Variants in PPHLN1 observed in about 807,000 individuals in gnomAD.
The protein encoded by PPHLN1 is periphilin 1.
PPHLN1 carries 29 observed loss-of-function variants against 51.3 expected under a neutral mutation model. The ratio of observed to expected loss-of-function variants is 0.57; its 90% CI spans 0.42 to 0.77. The LOEUF (loss-of-function observed/expected upper bound fraction) is 0.77. Ranked by LOEUF, PPHLN1 falls within the 30% of genes least tolerant of loss-of-function variation. The pLI, the probability that PPHLN1 is intolerant of heterozygous loss-of-function variation, is 0.00. For synonymous variants in PPHLN1, 147 were observed against 147.8 expected, an observed-to-expected ratio of 0.99 and a Z score of 0.04; for missense variants, 436 against 438.4, an observed-to-expected ratio of 0.99 and a Z score of 0.05.
At chr12:42,329,312 A>G (rs990658121) in intron 1 of PPHLN1, among the ~76,000 whole-genome samples, 2 of 151,776 alleles carry the variant, frequency 1.3e-5, no homozygotes, top group Admixed American at 6.6e-5. Context: ...TCACCGTGTT[A>G]GCCAGTATGG....
At chr12:42,327,150 T>C (rs1410618298) in intron 1 of PPHLN1, among the ~76,000 whole-genome samples, 1 of 152,254 alleles carries the variant, frequency 6.6e-6, no homozygotes, top group Non-Finnish European at 1.5e-5. Context: ...TTCTGTGCTA[T>C]AGTCTCATTT....
Position 42,416,209 on chromosome 12 carries a change from C to T in PPHLN1, c.909+17215C>T, listed in dbSNP as rs531043181. Among the ~76,000 whole-genome samples the T allele has an allele frequency of 1.2e-4, 18 of 152,318 alleles. 1 individual carries two copies. The highest frequency in any genetic ancestry group is 4.1e-4 in the African/African-American group (17 of 41,568). ...TCTCGCCTCCTGTACCCTTCATTCT[C>T]CCATTCTACTTCCCAGTCACAGCAT... On this transcript the variant is annotated intron_variant, in intron 9 of 9. Coordinates refer to ENST00000358314, the MANE Select transcript of PPHLN1 (RefSeq NM_201439.2).
chr12:42,448,358 AT>A (rs34304769), downstream of PPHLN1: 48,620 of 131,406 alleles, frequency 0.37, 6,989 homozygotes, highest in East Asian at 0.47. Context: ...AATCTATTTG[AT>A]TTTTTTTTTT....
chr12:42,417,910 A>G (rs1428463768), intron 9 of PPHLN1, among the ~76,000 whole-genome samples: 4 of 149,358 alleles, frequency 2.7e-5, no homozygotes, highest in African/African-American at 7.3e-5. Context: ...AAAGAAAAAA[A>G]AAAGCCCTAG....
chr12:42,374,847 T>TG lies in PPHLN1; in HGVS notation c.300-16_300-15insG, dbSNP rs1324679737. The TG allele has an allele frequency of 6.4e-7, 1 of 1,559,410 alleles. No homozygotes were observed. The highest frequency in any genetic ancestry group is 1.2e-5 in the South Asian group (1 of 84,392). On this transcript the variant is annotated splice_polypyrimidine_tract_variant and intron_variant, in intron 4 of 9. Coordinates refer to ENST00000358314, the MANE Select transcript of PPHLN1 (RefSeq NM_201439.2). ...GAGTATAATTAACTTATTTTATGTT[T>TG]TTTTTTTTTTCAAAGGGACATGAGA... is the stretch of plus-strand genomic sequence containing the variant.
intron 9 of PPHLN1, among the ~76,000 whole-genome samples, chr12:42,418,941 A>C (rs913736818): frequency 6.6e-5 from 10 of 152,186 alleles, no homozygotes; most frequent in Non-Finnish European, 1.3e-4. Context: ...GCTTTATTAC[A>C]TTCTCTCATT....
chr12:42,375,666 ATTTTAT>A (rs1169283099), intron 5 of PPHLN1, among the ~76,000 whole-genome samples: 2 of 151,814 alleles, frequency 1.3e-5, no homozygotes, highest in Admixed American at 1.3e-4. Context: ...CCCCAATTTT[ATTTTAT>A]TTTTATTTTT....
At chr12:42,434,973 G>C (rs569336365) in intron 9 of PPHLN1, among the ~76,000 whole-genome samples, 1 of 152,234 alleles carries the variant, frequency 6.6e-6, no homozygotes, top group Non-Finnish European at 1.5e-5. Flanking sequence ...GATTACAGGC[G>C]TGAGCCACCG....
chr12:42,331,073 ATC>A (rs1198152469), intron 1 of PPHLN1, among the ~76,000 whole-genome samples: 1 of 152,332 alleles, frequency 6.6e-6, no homozygotes. Context: ...TAACAGTCCG[ATC>A]TCTCTTTCTT....
Position 42,384,944 on chromosome 12 carries a change from C to T in PPHLN1, c.516C>T (p.Ser172=), listed in dbSNP as rs147227639. ...TCCCTGCCCACCTTTCCATAGAGTC[C>T]GTGCGTCCTGGTGCCTCCTACAAAC... ...YSFHQSQHRK[S]VRPGASYKRQ... Residue 172 remains serine (S), a synonymous_variant, in exon 6 of 10, where the codon TCC becomes TCT. Coordinates refer to ENST00000358314, the MANE Select transcript of PPHLN1 (RefSeq NM_201439.2). The T allele has an allele frequency of 6.1e-4, 981 of 1,609,318 alleles. 1 individual carries two copies. The highest frequency in any genetic ancestry group is 7.9e-4 in the Non-Finnish European group (934 of 1,175,724).
intron 9 of PPHLN1, among the ~76,000 whole-genome samples, chr12:42,419,396 C>CTG (rs2080776821): frequency 2.7e-4 from 2 of 7,382 alleles, no homozygotes; most frequent in African/African-American, 2.9e-4. Flanking sequence ...CACCCACCAC[C>CTG]ACACCTTTTA....
At chr12:42,364,100 T>C (rs1043611069) in intron 4 of PPHLN1, among the ~76,000 whole-genome samples, 12 of 152,104 alleles carry the variant, frequency 7.9e-5, no homozygotes, top group Admixed American at 6.5e-4. Context: ...GGCACGTGCC[T>C]GTAGTCCCAG....
chr12:42,353,504 G>A (rs966165684), intron 3 of PPHLN1, among the ~76,000 whole-genome samples: 2 of 152,186 alleles, frequency 1.3e-5, no homozygotes, highest in Non-Finnish European at 2.9e-5. Context: ...AAGTTGTAAT[G>A]AGACTATTCA....
intron 4 of PPHLN1, among the ~76,000 whole-genome samples, chr12:42,374,126 A>G (rs971696912): frequency 2.6e-5 from 4 of 152,178 alleles, no homozygotes; most frequent in African/African-American, 9.7e-5. Flanking sequence ...AGTAGTTTCT[A>G]TACTTAGAAG....
chr12:42,414,190 A>G (rs1669905), intron 9 of PPHLN1, among the ~76,000 whole-genome samples: 45,856 of 151,818 alleles, frequency 0.3, 7,867 homozygotes, highest in Non-Finnish European at 0.38. Context: ...ACCTGCCACC[A>G]TGCCCGGCTT....
intron 4 of PPHLN1, among the ~76,000 whole-genome samples, chr12:42,368,240 G>A (rs1348477745): frequency 6.6e-6 from 1 of 151,940 alleles, no homozygotes; most frequent in Non-Finnish European, 1.5e-5. Flanking sequence ...TTGGGTGGGT[G>A]GGGGATCTTT....
chr12:42,438,343 A>T (rs1310480593), intron 9 of PPHLN1, among the ~76,000 whole-genome samples: 2 of 152,058 alleles, frequency 1.3e-5, no homozygotes, highest in East Asian at 3.8e-4. Context: ...GTGGTGTCAA[A>T]TTTTTTTGTG....
Position 42,332,637 on chromosome 12 carries a change from G to A in PPHLN1, c.-20-3246G>A, listed in dbSNP as rs1444569081. On this transcript the variant is annotated intron_variant, in intron 1 of 9. Transcript: ENST00000358314. ...GGTTTATACAGACACAAATCTTTAC[G>A]TCTGTATTTCCCCCCCTTACAGGAA... 15 of 1,541,624 alleles carry A rather than the reference G, an allele frequency of 9.7e-6. 1 individual carries two copies. Among genetic ancestry groups the A allele is most frequent in the African/African-American group, 2.7e-5 (2 of 73,366 alleles).
chr12:42,446,406 G>T, downstream of PPHLN1: 1 of 1,425,070 alleles, frequency 7.0e-7, no homozygotes, highest in East Asian at 2.4e-5. Context: ...GCGTCTAGCA[G>T]TGTGACTTTT....
Sources: allele counts gnomAD v4.1 joint callset (sites outside exome capture counted in the v4.1 genomes callset), GRCh38; gene constraint gnomAD v4.1.1; transcripts MANE v1.5; gene names NCBI Gene and HGNC (gene_info 2026-07-23, HGNC 2026-07-21).